Variants in POT1 observed in about 807,000 individuals in gnomAD.
POT1 encodes protection of telomeres 1, also known as protection of telomeres protein 1.
Under a neutral mutation model 78.5 loss-of-function variants are expected in POT1, and 47 were observed. That is an observed-to-expected ratio of 0.60 (90% confidence interval 0.47 to 0.76). POT1 has a LOEUF of 0.76. Among genes scored for constraint, POT1 ranks in the 30% least tolerant of loss-of-function variants. The probability of loss-of-function intolerance (pLI) is 0.00; values close to 1 mark genes in which losing one functional copy is unlikely to be tolerated. For synonymous variants in POT1, 259 were observed against 260.7 expected, an observed-to-expected ratio of 0.99 and a Z score of 0.06; for missense variants, 646 against 749.9, an observed-to-expected ratio of 0.86 and a Z score of 1.62.
chr7:124,856,261 AAG>A lies in POT1; in HGVS notation c.702+2694_702+2695del, dbSNP rs1204893640. Among the ~76,000 whole-genome samples the A allele has an allele frequency of 2.6e-5, 4 of 152,340 alleles. No homozygotes were observed. In the East Asian group the frequency reaches 7.7e-4, roughly 29 times the overall value. ...CATTTATATCAATGTCACGTGAGTG[AAG>A]AGTTCCTAAATTAAGAAGAAATGTT... On this transcript the variant is annotated intron_variant, in intron 9 of 18. Coordinates refer to ENST00000357628, the MANE Select transcript of POT1 (RefSeq NM_015450.3).
chr7:124,837,326 GAC>G, intron 14 of POT1: 1 of 154,504 alleles, frequency 6.5e-6, no homozygotes, highest in South Asian at 1.9e-4. Context: ...ATGATTCAGT[GAC>G]ATTAGAGTTC....
chr7:124,897,579 T>G (rs1438531356), intron 4 of POT1, among the ~76,000 whole-genome samples: 1 of 151,830 alleles, frequency 6.6e-6, no homozygotes, highest in East Asian at 1.9e-4. Flanking sequence ...ATATTCAAAA[T>G]TTTTCCTGCA....
At chr7:124,908,884 T>C (rs1296237675) in intron 3 of POT1, among the ~76,000 whole-genome samples, 1 of 151,932 alleles carries the variant, frequency 6.6e-6, no homozygotes, top group Admixed American at 6.6e-5. Flanking sequence ...ACTTACTTCA[T>C]AGACTGTTAG....
At chr7:124,904,359 G>A (rs551982418) in intron 3 of POT1, among the ~76,000 whole-genome samples, 12 of 152,190 alleles carry the variant, frequency 7.9e-5, no homozygotes, top group African/African-American at 2.2e-4. Flanking sequence ...ATCAATAAAC[G>A]TAATCCATCA....
intron 8 of POT1, among the ~76,000 whole-genome samples, chr7:124,862,923 C>A (rs1462763339): frequency 6.6e-6 from 1 of 151,978 alleles, no homozygotes; most frequent in Non-Finnish European, 1.5e-5. Context: ...CATGGTATGA[C>A]TATGAAGTAG....
At chr7:124,882,257 ATC>A (rs1796136372) in intron 6 of POT1, among the ~76,000 whole-genome samples, 1 of 152,044 alleles carries the variant, frequency 6.6e-6, no homozygotes, top group Non-Finnish European at 1.5e-5. Flanking sequence ...TTTTAAACCA[ATC>A]AGTATTTGAG....
At chr7:124,873,572 C>T (rs1795921162) in intron 6 of POT1, among the ~76,000 whole-genome samples, 1 of 152,032 alleles carries the variant, frequency 6.6e-6, no homozygotes, top group South Asian at 2.1e-4. Flanking sequence ...TTTATTGTGT[C>T]TTTGTCTGTC....
At chr7:124,849,911 G>T (rs958201849) in intron 11 of POT1, among the ~76,000 whole-genome samples, 1 of 151,922 alleles carries the variant, frequency 6.6e-6, no homozygotes, top group Non-Finnish European at 1.5e-5. Flanking sequence ...TTATATATAG[G>T]TATATATGTT....
intron 11 of POT1, among the ~76,000 whole-genome samples, chr7:124,849,353 T>C (rs1486728002): frequency 6.6e-6 from 1 of 151,956 alleles, no homozygotes; most frequent in Non-Finnish European, 1.5e-5. Context: ...GAGCAGAAAA[T>C]CTGAGGAAGA....
intron 8 of POT1, 135 bp downstream of exon 8, chr7:124,863,215 G>A (rs754651165): frequency 2.9e-5 from 24 of 830,594 alleles, no homozygotes; most frequent in Non-Finnish European, 4.2e-5. Context: ...ATTGAGGCTC[G>A]TCAAAAATAG....
intron 2 of POT1, among the ~76,000 whole-genome samples, chr7:124,924,237 A>G (rs1010159135): frequency 1.3e-5 from 2 of 151,648 alleles, no homozygotes; most frequent in African/African-American, 4.8e-5. Context: ...ACTACCAGCT[A>G]GACTAACCAA....
chr7:124,905,510 C>A (rs1249831254), intron 3 of POT1, among the ~76,000 whole-genome samples: 1 of 151,788 alleles, frequency 6.6e-6, no homozygotes, highest in East Asian at 1.9e-4. Context: ...AAACGTTAGA[C>A]CTAAAACCAT....
chr7:124,877,725 C>T (rs1036813619), intron 6 of POT1, among the ~76,000 whole-genome samples: 1 of 150,584 alleles, frequency 6.6e-6, no homozygotes, highest in Non-Finnish European at 1.5e-5. Flanking sequence ...CCCAACTACT[C>T]GTGAGGCTGA....
intron 11 of POT1, among the ~76,000 whole-genome samples, chr7:124,850,585 A>G (rs1365889796): frequency 6.6e-6 from 1 of 152,084 alleles, no homozygotes; most frequent in Non-Finnish European, 1.5e-5. Flanking sequence ...TAAAAAAATT[A>G]GCCGGGTGTG....
intron 12 of POT1, among the ~76,000 whole-genome samples, chr7:124,846,162 GACACAC>G (rs60301966): frequency 2.0e-5 from 3 of 148,714 alleles, no homozygotes; most frequent in Non-Finnish European, 4.5e-5. Flanking sequence ...CATTCATACT[GACACAC>G]ACACACACAC....
rs1223966740 is a variant in POT1, at chr7:124,827,300, C to T, written c.1600G>A (p.Gly534Ser). The change falls in exon 17 of 19, where the codon GGT becomes AGT. Residue 534 changes from glycine (G) to serine (S), a missense_variant. Gly to Ser is a moderately conservative substitution (Grantham distance 56). Coordinates refer to ENST00000357628, the MANE Select transcript of POT1 (RefSeq NM_015450.3). Reference protein sequence around the residue: ...WIPSSVAEALGIVPLQYVFVM... With the variant: ...WIPSSVAEALSIVPLQYVFVM... ...AACACATATTGGAGGGGTACAATACCCAGTGCTAGTGAAGGAAAAAAAGAT... is the reference window on the plus strand; with the variant it reads ...AACACATATTGGAGGGGTACAATACTCAGTGCTAGTGAAGGAAAAAAAGAT... The T allele has an allele frequency of 6.4e-7, 1 of 1,564,548 alleles. No homozygotes were observed. The highest frequency in any genetic ancestry group is 1.2e-5 in the South Asian group (1 of 85,304).
At position 124,929,804 on chromosome 7, in the gene POT1, G is replaced by C. The variant is rs1396889223; in HGVS notation, c.-422C>G. 6.6e-6 allele frequency: 1 copy of C among 152,288 alleles called. No individual in the cohort carries two copies. Among genetic ancestry groups the C allele is most frequent in the African/African-American group, 2.4e-5 (1 of 41,460 alleles). The allele number at this position is 152,288 out of a possible 1,614,324, so 9.4% of individuals were successfully genotyped here. A position where few individuals can be genotyped will look rare whatever the true frequency, so the allele number is the denominator to read the frequency against. On this transcript the variant is annotated 5_prime_UTR_variant, in exon 1 of 19. Transcript: ENST00000357628. Reference sequence around the variant, plus strand: ...ACAAATTTCACTCACCCGTACTCTAGAAAGAACCCTAGGAAGAGTTTAGGC... The same window carrying C: ...ACAAATTTCACTCACCCGTACTCTACAAAGAACCCTAGGAAGAGTTTAGGC...
At chr7:124,913,331 TTTG>T (rs1796936849) in intron 3 of POT1, among the ~76,000 whole-genome samples, 1 of 152,172 alleles carries the variant, frequency 6.6e-6, no homozygotes, top group Admixed American at 6.5e-5. Context: ...TGCTTATCTT[TTTG>T]TTGTTGAATT....
intron 6 of POT1, among the ~76,000 whole-genome samples, chr7:124,882,952 C>A (rs2116603649): frequency 6.6e-6 from 1 of 152,036 alleles, no homozygotes; most frequent in South Asian, 2.1e-4. Flanking sequence ...TTCTCCATCT[C>A]CATTCTTTAG....
Sources: gnomAD v4.1 joint callset for allele counts (sites outside exome capture counted in the v4.1 genomes callset) on GRCh38, gnomAD v4.1.1 for gene constraint, MANE v1.5 for transcripts, NCBI Gene and HGNC (gene_info 2026-07-23, HGNC 2026-07-21) for gene names.